The following EIF2AK1 variants were observed in gnomAD, a reference collection of about 807,000 sequenced individuals.
EIF2AK1 encodes the protein eukaryotic translation initiation factor 2-alpha kinase 1.
EIF2AK1 carries 54 observed loss-of-function variants against 77.9 expected under a neutral mutation model. The observed-to-expected ratio is 0.69, with a 90% CI of 0.56 to 0.87. The LOEUF (loss-of-function observed/expected upper bound fraction) is 0.87, where lower values mean the gene tolerates loss of function less well. Among genes scored for constraint, EIF2AK1 ranks in the 40% least tolerant of loss-of-function variants. EIF2AK1 has a pLI of 0.00. For synonymous variants in EIF2AK1, 314 were observed against 290.5 expected, an observed-to-expected ratio of 1.08 and a Z score of -0.82; for missense variants, 810 against 768.6, an observed-to-expected ratio of 1.05 and a Z score of -0.64.
intron 8 of EIF2AK1, among the ~76,000 whole-genome samples, chr7:6,042,207 T>C (rs1350691385): frequency 5.3e-5 from 8 of 151,708 alleles, no homozygotes; most frequent in African/African-American, 9.7e-5. Context: ...TCCCAGCACT[T>C]TGGGAGGCCA....
Position 6,023,430 on chromosome 7 carries a change from T to C in EIF2AK1, c.*1243A>G, listed in dbSNP as rs924663778. 2.5e-6 allele frequency: 4 copies of C among 1,614,058 alleles called. No individual in the cohort carries two copies. In the African/African-American group the frequency reaches 4.0e-5, roughly 16 times the overall value. Reference sequence around the variant, plus strand: ...ATGCTGTCAACGCAACCCTTATAGATAGCTGGGTAGATATTGCGATTTTTC... The same window carrying C: ...ATGCTGTCAACGCAACCCTTATAGACAGCTGGGTAGATATTGCGATTTTTC... On this transcript the variant is annotated 3_prime_UTR_variant, in exon 15 of 15. Coordinates refer to ENST00000199389, the MANE Select transcript of EIF2AK1 (RefSeq NM_014413.4).
At chr7:6,037,340 C>G in intron 11 of EIF2AK1, 84 bp downstream of exon 11, 2 of 851,930 alleles carry the variant, frequency 2.3e-6, no homozygotes, top group Non-Finnish European at 3.9e-6. Context: ...GACATGTAAT[C>G]TTATTTAGTT....
At position 6,041,090 on chromosome 7, in the gene EIF2AK1, G is replaced by A; in HGVS notation, c.921C>T (p.Tyr307=). The A allele has an allele frequency of 6.2e-7, 1 of 1,614,060 alleles. No individual in the cohort carries two copies. Among genetic ancestry groups the A allele is most frequent in the Non-Finnish European group, 8.5e-7 (1 of 1,180,024 alleles). ...TENQNNKSVK[Y]TTNLVIRESG... ...ATTCTCTTATGACTAAATTGGTGGTGTACTTCACCGACTTGTTATTCTGAT... is the reference window on the plus strand; with the variant it reads ...ATTCTCTTATGACTAAATTGGTGGTATACTTCACCGACTTGTTATTCTGAT... Residue 307 remains tyrosine (Y), a synonymous_variant, in exon 9 of 15, where the codon TAC becomes TAT. Coordinates refer to ENST00000199389, the MANE Select transcript of EIF2AK1 (RefSeq NM_014413.4).
chr7:6,045,733 T>TTATATATATATATATATATATATATA lies in EIF2AK1; in HGVS notation c.630+337_630+338insTATATATATATATATATATATATATA, dbSNP rs57579824. Among the ~76,000 whole-genome samples, 990 of 137,520 alleles carry TTATATATATATATATATATATATATA rather than the reference T, an allele frequency of 7.2e-3. 10 individuals are homozygous for TTATATATATATATATATATATATATA. Among genetic ancestry groups the TTATATATATATATATATATATATATA allele is most frequent in the East Asian group, 0.016 (60 of 3,724 alleles). 90.2% of individuals were successfully genotyped at this position (137,520 alleles called of 152,430 possible). A position where few individuals can be genotyped will look rare whatever the true frequency, so the allele number is the denominator to read the frequency against. ...TTAAGAAGTTAACATATTTTAAAAA[T>TTATATATATATATATATATATATATA]TATATATATATATATATATAAATTA... On this transcript the variant is annotated intron_variant, in intron 6 of 14. Coordinates refer to ENST00000199389, the MANE Select transcript of EIF2AK1 (RefSeq NM_014413.4).
Position 6,035,556 on chromosome 7 carries a change from AATAGCAGC to A in EIF2AK1, c.1332+1860_1332+1867del. ...GCACAGGATCCTGACAGACATTCAGAATAGCAGCATCACATGTCTCCGCATCTTGTGTG... is the reference window on the plus strand; with the variant it reads ...GCACAGGATCCTGACAGACATTCAGAATCACATGTCTCCGCATCTTGTGTG... On this transcript the variant is annotated intron_variant, in intron 11 of 14. Coordinates refer to ENST00000199389, the MANE Select transcript of EIF2AK1 (RefSeq NM_014413.4). This position sits in a 1 kb window ranked among gnomAD's most constrained non-coding sequence, Gnocchi z 5.5. 6.4e-7 allele frequency: 1 copy of A among 1,551,208 alleles called. No homozygotes were observed. The highest frequency in any genetic ancestry group is 8.7e-7 in the Non-Finnish European group (1 of 1,147,126).
chr7:6,053,628 G>A (rs1365434411), intron 2 of EIF2AK1, among the ~76,000 whole-genome samples: 1 of 150,454 alleles, frequency 6.6e-6, no homozygotes, highest in Non-Finnish European at 1.5e-5. Context: ...CTCCCAAAGT[G>A]CTGGGATTAC....
chr7:6,046,539 C>T (rs1481516860), intron 5 of EIF2AK1: 2 of 163,166 alleles, frequency 1.2e-5, no homozygotes, highest in Non-Finnish European at 1.3e-5. Context: ...CTTCCCTGTA[C>T]ATGACAAATG....
chr7:6,045,647 T>A (rs1788424882), intron 6 of EIF2AK1, among the ~76,000 whole-genome samples: 2 of 151,810 alleles, frequency 1.3e-5, no homozygotes, highest in South Asian at 4.2e-4. Context: ...GGGAGAAGAC[T>A]GACCTGGAAC....
intron 8 of EIF2AK1, among the ~76,000 whole-genome samples, chr7:6,041,536 C>A (rs1788297344): frequency 6.9e-6 from 1 of 145,042 alleles, no homozygotes; most frequent in Non-Finnish European, 1.5e-5. Context: ...GAGTGAGACT[C>A]CGTCTCCAAG....
At chr7:6,049,730 G>A (rs1788551876) in intron 3 of EIF2AK1, 182 bp downstream of exon 3, 1 of 490,524 alleles carries the variant, frequency 2.0e-6, no homozygotes, top group Admixed American at 3.9e-5. Flanking sequence ...GGCCTCAAAT[G>A]ATCCATCTCA....
At chr7:6,028,196 C>T (rs750008680) in intron 13 of EIF2AK1, 18 of 313,988 alleles carry the variant, frequency 5.7e-5, no homozygotes, top group Non-Finnish European at 7.6e-5. Flanking sequence ...ATCTACAGTA[C>T]TCAGTTATCT....
At position 6,023,530 on chromosome 7, in the gene EIF2AK1, T is replaced by G. The variant is rs1189420601; in HGVS notation, c.*1143A>C. On this transcript the variant is annotated 3_prime_UTR_variant, in exon 15 of 15. Transcript: ENST00000199389. ...GAACTCTGCTCTTGGGAAGAGCCCT[T>G]GGCTCGCTGGGAATGAACTCACCGT... 6.2e-7 allele frequency: 1 copy of G among 1,614,226 alleles called. No homozygotes were observed. Among genetic ancestry groups the G allele is most frequent in the Non-Finnish European group, 8.5e-7 (1 of 1,180,040 alleles).
chr7:6,031,362 C>CT, intron 11 of EIF2AK1: 1 of 1,548,758 alleles, frequency 6.5e-7, no homozygotes. Flanking sequence ...CCCCTGAAGT[C>CT]TTAAGTTTTT....
chr7:6,058,898 C>G, intron 1 of EIF2AK1, 68 bp downstream of exon 1: 1 of 1,387,132 alleles, frequency 7.2e-7, no homozygotes, highest in Non-Finnish European at 9.6e-7. Flanking sequence ...CTCAGGGCTG[C>G]CTTTGCCGCC....
Position 6,054,622 on chromosome 7 carries a change from G to A in EIF2AK1, c.201C>T (p.Leu67=). Residue 67 remains leucine, a synonymous_variant, in exon 2 of 15, where the codon CTC becomes CTT. Coordinates refer to ENST00000199389, the MANE Select transcript of EIF2AK1 (RefSeq NM_014413.4). The part of the protein sequence containing the change: ...PTFPFAVANQ[L]LLVSLLEHLS... ...AGTGCTCCAGCAAAGAAACCAGCAA[G>A]AGTTGGTTTGCAACTGCAAAAGGGA... 3 of 1,614,164 alleles carry A rather than the reference G, an allele frequency of 1.9e-6. No homozygotes were observed. Among genetic ancestry groups the A allele is most frequent in the Non-Finnish European group, 2.5e-6 (3 of 1,180,014 alleles).
chr7:6,024,413 G>T lies in EIF2AK1; in HGVS notation c.*260C>A. Reference sequence around the variant, plus strand: ...GAAGACCAGACAGAGGGTCAACAGAGTTGAAAGGAGAAAATAATTGAGGAT... The same window carrying T: ...GAAGACCAGACAGAGGGTCAACAGATTTGAAAGGAGAAAATAATTGAGGAT... On this transcript the variant is annotated 3_prime_UTR_variant, in exon 15 of 15. Transcript: ENST00000199389. The T allele has an allele frequency of 7.5e-7, 1 of 1,334,496 alleles. No individual in the cohort carries two copies. Among genetic ancestry groups the T allele is most frequent in the Non-Finnish European group, 9.6e-7 (1 of 1,040,828 alleles). 82.7% of individuals were successfully genotyped at this position (1,334,496 alleles called of 1,614,324 possible).
Position 6,035,894 on chromosome 7 carries a change from G to A in EIF2AK1, c.1332+1530C>T. ...CAAGCAAAGCAGGCCGACTCCTCGG[G>A]GCGGGGGTCAGCTGCATCCGTCTGC... On this transcript the variant is annotated intron_variant, in intron 11 of 14. Transcript: ENST00000199389. The surrounding 1 kb of genome is among the most constrained non-coding windows in gnomAD (Gnocchi z 5.5). 1 of 1,546,886 alleles carries A rather than the reference G, an allele frequency of 6.5e-7. No individual in the cohort carries two copies. Among genetic ancestry groups the A allele is most frequent in the Non-Finnish European group, 8.7e-7 (1 of 1,144,646 alleles).
At chr7:6,050,655 T>G (rs2128891379) in intron 2 of EIF2AK1, among the ~76,000 whole-genome samples, 1 of 146,650 alleles carries the variant, frequency 6.8e-6, no homozygotes, top group East Asian at 2.1e-4. Context: ...CAGGCTAGAG[T>G]GCACTGGCGC....
In EIF2AK1 at chr7:6,032,997, C is replaced by T; in HGVS notation, c.1333-3965G>A. ...TTCTTTTTTGTTTTGAGGCAGGGGT[C>T]TCGCTCTGTTGCCCAGGCTGGAGTG... On this transcript the variant is annotated intron_variant, in intron 11 of 14. Transcript: ENST00000199389. The surrounding 1 kb of genome is among the most constrained non-coding windows in gnomAD (Gnocchi z 4.3). 1 of 1,417,416 alleles carries T rather than the reference C, an allele frequency of 7.1e-7. No homozygotes were observed. The highest frequency in any genetic ancestry group is 9.6e-7 in the Non-Finnish European group (1 of 1,039,058). The allele number at this position is 1,417,416 out of a possible 1,614,324, so 87.8% of individuals were successfully genotyped here. A position where few individuals can be genotyped will look rare whatever the true frequency, so the allele number is the denominator to read the frequency against.
Sources: gnomAD v4.1 joint callset for allele counts (sites outside exome capture counted in the v4.1 genomes callset) on GRCh38, gnomAD v4.1.1 for gene constraint, Gnocchi (gnomAD v3.1) non-coding constraint, MANE v1.5 for transcripts, NCBI Gene and HGNC (gene_info 2026-07-23, HGNC 2026-07-21) for gene names.